Variants in CORIN observed in about 807,000 individuals in gnomAD.
The protein encoded by CORIN is atrial natriuretic peptide-converting enzyme.
CORIN carries 117 observed loss-of-function variants against 125.3 expected under a neutral mutation model. The observed-to-expected ratio is 0.93, with a 90% confidence interval of 0.80 to 1.09. The LOEUF is 1.09. CORIN is among the 50% of genes least tolerant of loss of function. The pLI, the probability that CORIN is intolerant of heterozygous loss-of-function variation, is 0.00. For synonymous variants in CORIN, 450 were observed against 466.4 expected, an observed-to-expected ratio of 0.96 and a Z score of 0.45; for missense variants, 1,253 against 1,306.7, an observed-to-expected ratio of 0.96 and a Z score of 0.63.
At chr4:47,658,477 C>T (rs1391579897) in intron 12 of CORIN, among the ~76,000 whole-genome samples, 1 of 152,268 alleles carries the variant, frequency 6.6e-6, no homozygotes, top group Non-Finnish European at 1.5e-5. Context: ...CCCACAGCTC[C>T]ATGAAACAGT....
chr4:47,711,013 T>G (rs562774266), intron 5 of CORIN, among the ~76,000 whole-genome samples: 3 of 152,298 alleles, frequency 2.0e-5, no homozygotes, highest in African/African-American at 7.2e-5. Context: ...CACCCACCCA[T>G]GAAGGCAGCC....
chr4:47,831,650 C>T (rs918910028), intron 1 of CORIN: 3 of 152,008 alleles, frequency 2.0e-5, no homozygotes, highest in Admixed American at 6.6e-5. Context: ...TTTAGTAAAG[C>T]CTCAGGAACA....
At chr4:47,641,581 C>A (rs929001287) in intron 16 of CORIN, among the ~76,000 whole-genome samples, 2 of 152,252 alleles carry the variant, frequency 1.3e-5, no homozygotes, top group Middle Eastern at 3.4e-3. Flanking sequence ...TTTTCAATAA[C>A]CTCTTGGGGG....
rs1255435657 is a variant in CORIN at position 47,838,021 on chromosome 4, G to A, written c.-72C>T. ...CTTTTCTCTCCTCTACGTGTCCCCC[G>A]GGGAGGCACTACGGATGATTTTCTC... is the stretch of plus-strand genomic sequence containing the variant. On this transcript the variant is annotated 5_prime_UTR_variant, in exon 1 of 22. Transcript: ENST00000273857. 3 of 1,594,068 alleles carry A rather than the reference G, an allele frequency of 1.9e-6. No individual in the cohort carries two copies. Among genetic ancestry groups the A allele is most frequent in the Non-Finnish European group, 8.5e-7 (1 of 1,176,658 alleles).
intron 5 of CORIN, among the ~76,000 whole-genome samples, chr4:47,735,402 C>T (rs1394949097): frequency 6.6e-6 from 1 of 152,066 alleles, no homozygotes; most frequent in African/African-American, 2.4e-5. Flanking sequence ...AATATTACAA[C>T]CAAGAATTCT....
In CORIN at chr4:47,600,335, A is replaced by G; in HGVS notation, c.2825T>C (p.Leu942Pro). The G allele has an allele frequency of 6.2e-7, 1 of 1,611,802 alleles. No individual in the cohort carries two copies. The highest frequency in any genetic ancestry group is 8.5e-7 in the Non-Finnish European group (1 of 1,178,828). Residue 942 changes from leucine to proline, a missense_variant, in exon 21 of 22, where the codon CTG becomes CCG. Physicochemically the swap from Leu to Pro is moderately conservative, Grantham distance 98 (BLOSUM62 -3). Transcript: ENST00000273857. Reference sequence around the variant, plus strand: ...AATAATGCGGACCTCTCCCTCTTGCAGCTTAAATGGCACTGAATTTTTAAA... The same window carrying G: ...AATAATGCGGACCTCTCCCTCTTGCGGCTTAAATGGCACTGAATTTTTAAA... ...GHMGNKMPFK[L>P]QEGEVRIISL... is the part of the protein sequence containing the mutation.
intron 5 of CORIN, among the ~76,000 whole-genome samples, chr4:47,700,294 G>GTA (rs1246086121): frequency 6.6e-6 from 1 of 152,120 alleles, no homozygotes; most frequent in Non-Finnish European, 1.5e-5. Context: ...CTCAGGAAAG[G>GTA]TATAGAACAT....
chr4:47,774,866 T>C (rs1281510431), intron 3 of CORIN, among the ~76,000 whole-genome samples: 1 of 152,136 alleles, frequency 6.6e-6, no homozygotes, highest in Non-Finnish European at 1.5e-5. Context: ...AAAGGGCAAA[T>C]ACTGCATGAT....
intron 7 of CORIN, chr4:47,681,767 T>C (rs1479495653): frequency 6.6e-6 from 1 of 152,144 alleles, no homozygotes; most frequent in Non-Finnish European, 1.5e-5. Context: ...AGAACTTCCA[T>C]ATAACCCAGC....
At chr4:47,735,105 A>G (rs1323733088) in intron 5 of CORIN, among the ~76,000 whole-genome samples, 3 of 152,250 alleles carry the variant, frequency 2.0e-5, no homozygotes, top group Non-Finnish European at 4.4e-5. Flanking sequence ...AATCCCTTAT[A>G]TGATTAAGAC....
intron 5 of CORIN, among the ~76,000 whole-genome samples, chr4:47,712,350 T>A (rs1216168568): frequency 6.6e-6 from 1 of 152,210 alleles, no homozygotes; most frequent in Non-Finnish European, 1.5e-5. Flanking sequence ...TGGGACACTC[T>A]CCACTCACTG....
intron 5 of CORIN, among the ~76,000 whole-genome samples, chr4:47,705,063 A>C (rs568638412): frequency 6.6e-6 from 1 of 152,326 alleles, no homozygotes; most frequent in South Asian, 2.1e-4. Flanking sequence ...AGTAAATCTG[A>C]AATAATGAAA....
At chr4:47,725,386 T>A (rs953870242) in intron 5 of CORIN, among the ~76,000 whole-genome samples, 1 of 152,102 alleles carries the variant, frequency 6.6e-6, no homozygotes, top group Non-Finnish European at 1.5e-5. Flanking sequence ...TATCAAGCCA[T>A]ACTAATCAAA....
At chr4:47,658,079 A>C (rs994103647) in intron 12 of CORIN, among the ~76,000 whole-genome samples, 1 of 152,184 alleles carries the variant, frequency 6.6e-6, no homozygotes, top group Admixed American at 6.5e-5. Flanking sequence ...AGTTCCTTCT[A>C]CCTATGAGCC....
intron 19 of CORIN, among the ~76,000 whole-genome samples, chr4:47,618,853 A>G (rs1722189296): frequency 6.6e-6 from 1 of 151,950 alleles, no homozygotes; most frequent in Non-Finnish European, 1.5e-5. Context: ...AAAGGAGGCA[A>G]GAAGGAGACT....
At chr4:47,715,611 G>C (rs541282657) in intron 5 of CORIN, among the ~76,000 whole-genome samples, 10 of 152,076 alleles carry the variant, frequency 6.6e-5, no homozygotes, top group Admixed American at 2.6e-4. Context: ...AAAAAAAAGG[G>C]GGGGAGCATG....
At chr4:47,610,981 GT>G (rs140144907) in intron 19 of CORIN, among the ~76,000 whole-genome samples, 40,689 of 151,740 alleles carry the variant, frequency 0.27, 5,532 homozygotes, top group Admixed American at 0.35. Context: ...GTACCATGCA[GT>G]TTTTGGTTAC....
rs780156009 is a variant in CORIN, at chr4:47,623,762, GAC to G, written c.2366-19_2366-18del. On this transcript the variant is annotated intron_variant, in intron 18 of 21. Transcript: ENST00000273857. Reference sequence around the variant, plus strand: ...GCCCACAGTCTACCAAGGAGCAGAAGACACAGTTTGTGAGTTGATGCCAAACC... The same window carrying G: ...GCCCACAGTCTACCAAGGAGCAGAAGACAGTTTGTGAGTTGATGCCAAACC... The G allele has an allele frequency of 1.9e-6, 3 of 1,613,322 alleles. No homozygotes were observed. Among genetic ancestry groups the G allele is most frequent in the Admixed American group, 3.3e-5 (2 of 59,806 alleles).
intron 3 of CORIN, among the ~76,000 whole-genome samples, chr4:47,764,926 T>C (rs1729641713): frequency 6.6e-6 from 1 of 152,146 alleles, no homozygotes; most frequent in South Asian, 2.1e-4. Flanking sequence ...AGCCCATATT[T>C]GAAGCAATTA....
Sources: allele counts gnomAD v4.1 joint callset (sites outside exome capture counted in the v4.1 genomes callset), GRCh38; gene constraint gnomAD v4.1.1; transcripts MANE v1.5; gene names NCBI Gene and HGNC (gene_info 2026-07-23, HGNC 2026-07-21).